SDHAF3: variants seen among roughly 807,000 people sequenced by gnomAD.
The protein encoded by SDHAF3 is succinate dehydrogenase assembly factor 3, mitochondrial.
A neutral mutation model predicts 11.5 loss-of-function variants in SDHAF3; 18 were observed. The observed-to-expected ratio is 1.56, with a 90% CI of 1.08 to 2.32. SDHAF3 has a LOEUF of 2.32. SDHAF3 is among the 30% of genes most tolerant of loss of function. The pLI, the probability that SDHAF3 is intolerant of heterozygous loss-of-function variation, is 0.00. For missense variants in SDHAF3, 200 were observed against 154.4 expected (o/e 1.30, Z -1.57); for synonymous variants, 72 against 59.3 (o/e 1.21, Z -0.99).
chr7:97,138,582 G>A (rs1788970184), intron 1 of SDHAF3, among the ~76,000 whole-genome samples: 1 of 150,140 alleles, frequency 6.7e-6, no homozygotes, highest in Non-Finnish European at 1.5e-5. Flanking sequence ...ATCTGACGTT[G>A]ATTAACATCT....
Position 97,142,042 on chromosome 7 carries a change from C to CTTTT in SDHAF3, c.174+24171_174+24174dup, listed in dbSNP as rs71131003. The stretch of plus-strand genomic sequence containing the variant: ...AGCAATGAAATGTGTGAATTGTTGT[C>CTTTT]TTTTTTTTTTTTTTTTTTTTTTTTT... On this transcript the variant is annotated intron_variant, in intron 1 of 1. Transcript: ENST00000432641. Among the ~76,000 whole-genome samples, 122 of 61,692 alleles carry CTTTT rather than the reference C, an allele frequency of 2.0e-3. 24 individuals are homozygous for CTTTT. Among genetic ancestry groups the CTTTT allele is most frequent in the African/African-American group, 5.2e-3 (83 of 15,990 alleles). 40.5% of individuals were successfully genotyped at this position (61,692 alleles called of 152,430 possible).
chr7:97,149,835 A>T (rs183805447), intron 1 of SDHAF3, among the ~76,000 whole-genome samples: 7 of 152,362 alleles, frequency 4.6e-5, no homozygotes, highest in Admixed American at 3.9e-4. Context: ...CTTTCAGGAA[A>T]GATTGATCTG....
intron 1 of SDHAF3, among the ~76,000 whole-genome samples, chr7:97,158,793 T>C (rs1425907098): frequency 6.6e-6 from 1 of 152,242 alleles, no homozygotes; most frequent in Admixed American, 6.5e-5. Flanking sequence ...TTTTTAACTT[T>C]AGCTAACTTT....
chr7:97,143,172 A>G (rs1363140896), intron 1 of SDHAF3, among the ~76,000 whole-genome samples: 1 of 152,084 alleles, frequency 6.6e-6, no homozygotes, highest in Non-Finnish European at 1.5e-5. Flanking sequence ...CTGGGATTAC[A>G]GGAGTCAGCC....
At chr7:97,125,352 T>C (rs187987225) in intron 1 of SDHAF3, among the ~76,000 whole-genome samples, 47 of 152,322 alleles carry the variant, frequency 3.1e-4, no homozygotes, top group Middle Eastern at 3.4e-3. Flanking sequence ...CACTTTCTGA[T>C]GTGGGCATTT....
intron 1 of SDHAF3, among the ~76,000 whole-genome samples, chr7:97,172,651 A>C (rs1789618239): frequency 6.6e-6 from 1 of 152,218 alleles, no homozygotes; most frequent in East Asian, 1.9e-4. Context: ...TTATAAATAA[A>C]AATATTAATG....
intron 1 of SDHAF3, among the ~76,000 whole-genome samples, chr7:97,158,444 C>G (rs750749416): frequency 1.3e-5 from 2 of 152,154 alleles, no homozygotes; most frequent in Non-Finnish European, 2.9e-5. Flanking sequence ...TCTCATGCCC[C>G]AGCCTCCTGA....
At chr7:97,120,327 G>A (rs1314134143) in intron 1 of SDHAF3, among the ~76,000 whole-genome samples, 2 of 152,106 alleles carry the variant, frequency 1.3e-5, no homozygotes, top group Non-Finnish European at 2.9e-5. Flanking sequence ...CTAAGCCTGG[G>A]AGTTAGACGT....
chr7:97,170,155 C>T (rs993113113), intron 1 of SDHAF3, among the ~76,000 whole-genome samples: 13 of 151,604 alleles, frequency 8.6e-5, no homozygotes, highest in Non-Finnish European at 1.5e-5. Context: ...TAGTGAACCA[C>T]ACATATTAAT....
intron 1 of SDHAF3, among the ~76,000 whole-genome samples, chr7:97,158,352 A>G (rs1380488661): frequency 1.3e-5 from 2 of 152,064 alleles, no homozygotes; most frequent in Admixed American, 6.5e-5. Flanking sequence ...GTTTGAGACA[A>G]AGTCTCACTC....
chr7:97,124,204 T>G (rs1309147996), intron 1 of SDHAF3, among the ~76,000 whole-genome samples: 1 of 152,196 alleles, frequency 6.6e-6, no homozygotes, highest in Non-Finnish European at 1.5e-5. Flanking sequence ...TTCTGTTTTT[T>G]GCATATGGCT....
intron 1 of SDHAF3, among the ~76,000 whole-genome samples, chr7:97,160,506 G>A (rs1309739287): frequency 6.6e-6 from 1 of 152,106 alleles, no homozygotes; most frequent in Non-Finnish European, 1.5e-5. Flanking sequence ...TTGTTACTGT[G>A]TCTATGTAGA....
intron 1 of SDHAF3, among the ~76,000 whole-genome samples, chr7:97,122,568 G>A (rs1279787718): frequency 1.3e-5 from 2 of 151,702 alleles, no homozygotes; most frequent in East Asian, 3.9e-4. Context: ...CAGTATTAGT[G>A]AAGGAGAAGA....
chr7:97,136,567 A>T, intron 1 of SDHAF3: 1 of 528,806 alleles, frequency 1.9e-6, no homozygotes, highest in Non-Finnish European at 3.4e-6. Context: ...GCAAGAGTTT[A>T]TGTAAGATTG....
intron 1 of SDHAF3, among the ~76,000 whole-genome samples, chr7:97,130,630 C>G (rs891736080): frequency 6.6e-6 from 1 of 152,212 alleles, no homozygotes; most frequent in Admixed American, 6.5e-5. Flanking sequence ...TGGCCGCAGC[C>G]CTGTGATGGC....
rs34146273 is a variant in SDHAF3, at chr7:97,181,085, C to T, written c.248C>T (p.Thr83Ile). Residue 83 changes from threonine to isoleucine, a missense_variant, in exon 2 of 2, where the codon ACC (threonine) becomes ATC (isoleucine). Physicochemically the swap from Thr to Ile is moderately conservative, Grantham distance 89. Coordinates refer to ENST00000432641, the MANE Select transcript of SDHAF3 (RefSeq NM_020186.3). The part of the protein sequence containing the change: ...QNSTGKACFG[T>I]FLPEEKLNDF... ...TCAACTGGAAAAGCATGTTTTGGCA[C>T]CTTCCTCCCAGAAGAAAAACTTAAT... 1,563 of 1,613,984 alleles carry T rather than the reference C, an allele frequency of 9.7e-4. 15 individuals are homozygous for T. In the African/African-American group the frequency reaches 0.017, roughly 17 times the overall value.
chr7:97,173,494 C>T (rs911948511), intron 1 of SDHAF3, among the ~76,000 whole-genome samples: 3 of 151,632 alleles, frequency 2.0e-5, no homozygotes, highest in Non-Finnish European at 4.4e-5. Flanking sequence ...GGTATTTTAA[C>T]GTAGACTCTT....
chr7:97,172,327 C>CTCTT (rs1789613563), intron 1 of SDHAF3, among the ~76,000 whole-genome samples: 1 of 151,702 alleles, frequency 6.6e-6, no homozygotes, highest in African/African-American at 2.4e-5. Flanking sequence ...ATCGTTATAC[C>CTCTT]TCTTTCTATA....
At chr7:97,134,547 T>C (rs1392180014) in intron 1 of SDHAF3, among the ~76,000 whole-genome samples, 1 of 152,046 alleles carries the variant, frequency 6.6e-6, no homozygotes, top group South Asian at 2.1e-4. Flanking sequence ...CCCAGGTTCA[T>C]GTGATTCTCC....
Sources: allele counts gnomAD v4.1 joint callset (sites outside exome capture counted in the v4.1 genomes callset), GRCh38; gene constraint gnomAD v4.1.1; transcripts MANE v1.5; gene names NCBI Gene and HGNC (gene_info 2026-07-23, HGNC 2026-07-21).